Variants in CA8 observed in about 807,000 individuals in gnomAD.
CA8 encodes the protein carbonic anhydrase 8 (inactive).
In CA8, 22 loss-of-function variants were observed where a neutral mutation model predicts 41.4. The observed-to-expected ratio is 0.53, with a 90% CI of 0.38 to 0.76. The LOEUF (loss-of-function observed/expected upper bound fraction) is 0.76. Among genes scored for constraint, CA8 ranks in the 30% least tolerant of loss-of-function variants. CA8 has a pLI of 0.00. For missense variants in CA8, 270 were observed against 352.8 expected (o/e 0.77, Z 1.88); for synonymous variants, 121 against 130.6 (o/e 0.93, Z 0.50).
intron 2 of CA8, among the ~76,000 whole-genome samples, chr8:60,271,948 T>C (rs974924989): frequency 6.6e-5 from 10 of 152,182 alleles, no homozygotes; most frequent in African/African-American, 2.4e-4. Context: ...AGCTAAATGA[T>C]ACATGTGGCA....
At chr8:60,206,837 C>T (rs1806601830) in intron 8 of CA8, among the ~76,000 whole-genome samples, 2 of 152,170 alleles carry the variant, frequency 1.3e-5, no homozygotes, top group African/African-American at 4.8e-5. Context: ...TCAGACTTCA[C>T]TGCTCCAGCT....
intron 8 of CA8, among the ~76,000 whole-genome samples, chr8:60,207,101 C>A (rs879597928): frequency 1.3e-5 from 2 of 152,150 alleles, no homozygotes; most frequent in Non-Finnish European, 2.9e-5. Flanking sequence ...ATGTGTCACT[C>A]GACCGCCAGT....
chr8:60,261,010 A>C (rs1031355908), intron 3 of CA8, among the ~76,000 whole-genome samples: 4 of 152,138 alleles, frequency 2.6e-5, no homozygotes, highest in Admixed American at 2.0e-4. Flanking sequence ...TGACTTGGGG[A>C]GCAGCAATCT....
At chr8:60,220,528 A>G (rs935492070) in intron 7 of CA8, among the ~76,000 whole-genome samples, 3 of 152,120 alleles carry the variant, frequency 2.0e-5, no homozygotes, top group South Asian at 2.1e-4. Context: ...AGCACTTCTC[A>G]GTATTAACCC....
chr8:60,272,791 T>A (rs1336722660), intron 2 of CA8, among the ~76,000 whole-genome samples: 1 of 152,214 alleles, frequency 6.6e-6, no homozygotes, highest in African/African-American at 2.4e-5. Flanking sequence ...ACTTACCTTA[T>A]CCAAAGCATG....
intron 8 of CA8, among the ~76,000 whole-genome samples, chr8:60,202,210 A>ATTTTTTTTTT: frequency 7.2e-6 from 1 of 139,608 alleles, no homozygotes; most frequent in Non-Finnish European, 1.6e-5. Context: ...TTCCCAGCTA[A>ATTTTTTTTTT]TTTTTTTTTT....
chr8:60,205,879 TC>T (rs762894986), intron 8 of CA8, among the ~76,000 whole-genome samples: 116 of 152,350 alleles, frequency 7.6e-4, no homozygotes, highest in Non-Finnish European at 1.5e-3. Context: ...AAATGTCTTT[TC>T]CTTTTTAGTT....
chr8:60,245,782 G>A (rs1808208599), intron 3 of CA8, among the ~76,000 whole-genome samples: 1 of 152,156 alleles, frequency 6.6e-6, no homozygotes. Context: ...ATTAGGAACA[G>A]GAAAGGCATC....
chr8:60,206,864 T>C (rs10112339), intron 8 of CA8, among the ~76,000 whole-genome samples: 9,012 of 151,978 alleles, frequency 0.059, 912 homozygotes, highest in African/African-American at 0.2. Context: ...AGAAGCAGTA[T>C]CTTCAGCCTC....
At chr8:60,195,081 C>T (rs954576098) in intron 8 of CA8, among the ~76,000 whole-genome samples, 1 of 152,160 alleles carries the variant, frequency 6.6e-6, no homozygotes, top group Non-Finnish European at 1.5e-5. Flanking sequence ...TAAGGCTGAA[C>T]TCCTCCCTTT....
At chr8:60,239,127 A>T (rs1807931572) in intron 3 of CA8, among the ~76,000 whole-genome samples, 1 of 152,192 alleles carries the variant, frequency 6.6e-6, no homozygotes, top group African/African-American at 2.4e-5. Flanking sequence ...TTTGCAACAG[A>T]TGGAGTCTTG....
rs1443541792 is a variant in CA8 at position 60,190,955 on chromosome 8, T to TAC, written c.*36-971_*36-970insGT. Among the ~76,000 whole-genome samples, 23 of 116,886 alleles carry TAC rather than the reference T, an allele frequency of 2.0e-4. 1 individual carries two copies. The highest frequency in any genetic ancestry group is 6.6e-4 in the African/African-American group (19 of 28,888). 76.7% of individuals were successfully genotyped at this position (116,886 alleles called of 152,430 possible). On this transcript the variant is annotated intron_variant, in intron 8 of 8. Transcript: ENST00000317995. Reference sequence around the variant, plus strand: ...CACACACACTATATATATATATATATATACACACACACATTTCTACATATG... The same window carrying TAC: ...CACACACACTATATATATATATATATACATACACACACACATTTCTACATATG...
chr8:60,188,316 GA>G lies in CA8; in HGVS notation c.*1704del, dbSNP rs1806018348. 1 of 152,202 alleles carries G rather than the reference GA, an allele frequency of 6.6e-6. No individual in the cohort carries two copies. The highest frequency in any genetic ancestry group is 6.5e-5 in the Admixed American group (1 of 15,276). The allele number at this position is 152,202 out of a possible 1,614,324, so 9.4% of individuals were successfully genotyped here. On this transcript the variant is annotated 3_prime_UTR_variant, in exon 9 of 9. Coordinates refer to ENST00000317995, the MANE Select transcript of CA8 (RefSeq NM_004056.6). ...TGAAAGAAGATTGCAAGAAGCATCAGAAGTCTAGTTCAAGAACAATCCCTGA... is the reference window on the plus strand; with the variant it reads ...TGAAAGAAGATTGCAAGAAGCATCAGAGTCTAGTTCAAGAACAATCCCTGA...
At chr8:60,223,360 A>G (rs551867094) in intron 6 of CA8, among the ~76,000 whole-genome samples, 1 of 152,138 alleles carries the variant, frequency 6.6e-6, no homozygotes, top group South Asian at 2.1e-4. Flanking sequence ...TGGTGTGACC[A>G]TGAATCACTG....
chr8:60,227,031 C>A, intron 4 of CA8, 96 bp from the exon 5 acceptor site: 1 of 860,522 alleles, frequency 1.2e-6, no homozygotes, highest in South Asian at 1.4e-5. Context: ...GTGGCTCATG[C>A]CTGTAACCCC....
At chr8:60,261,340 A>C (rs1762622516) in intron 3 of CA8, among the ~76,000 whole-genome samples, 1 of 152,214 alleles carries the variant, frequency 6.6e-6, no homozygotes, top group Admixed American at 6.5e-5. Flanking sequence ...GAGTACACAG[A>C]GCAACAGATG....
At chr8:60,202,455 TG>T (rs1806462038) in intron 8 of CA8, among the ~76,000 whole-genome samples, 1 of 152,206 alleles carries the variant, frequency 6.6e-6, no homozygotes, top group African/African-American at 2.4e-5. Context: ...TCATAGTTCT[TG>T]GCACTCTATG....
chr8:60,232,573 G>C lies in CA8; in HGVS notation c.418-194C>G, dbSNP rs1807691579. The C allele has an allele frequency of 5.2e-5, 33 of 637,214 alleles. 1 individual carries two copies. The South Asian group carries it at 5.7e-4, about 11-fold the overall frequency. The allele number at this position is 637,214 out of a possible 1,614,324, so 39.5% of individuals were successfully genotyped here. A position where few individuals can be genotyped will look rare whatever the true frequency, so the allele number is the denominator to read the frequency against. On this transcript the variant is annotated intron_variant, in intron 3 of 8. Transcript: ENST00000317995. Reference sequence around the variant, plus strand: ...TCCTTCTTATTTCTGAACAGAAGCAGTGCTTAGTGGATCACTGCCTCTTAA... The same window carrying C: ...TCCTTCTTATTTCTGAACAGAAGCACTGCTTAGTGGATCACTGCCTCTTAA...
intron 3 of CA8, among the ~76,000 whole-genome samples, chr8:60,252,005 A>C (rs901642684): frequency 7.2e-5 from 11 of 152,210 alleles, no homozygotes; most frequent in African/African-American, 2.7e-4. Flanking sequence ...GTCTCTATTA[A>C]AATTTAGATA....
Sources: allele counts gnomAD v4.1 joint callset (sites outside exome capture counted in the v4.1 genomes callset), GRCh38; gene constraint gnomAD v4.1.1; transcripts MANE v1.5; gene names NCBI Gene and HGNC (gene_info 2026-07-23, HGNC 2026-07-21).